COL13A1: variants seen among roughly 807,000 people sequenced by gnomAD.
COL13A1 encodes the protein collagen type XIII alpha 1 chain.
Under a neutral mutation model 130.9 loss-of-function variants are expected in COL13A1, and 89 were observed. The ratio of observed to expected loss-of-function variants is 0.68; its 90% CI spans 0.57 to 0.81. The LOEUF is 0.81. Among genes scored for constraint, COL13A1 ranks in the 30% least tolerant of loss-of-function variants. COL13A1 has a pLI of 0.00. For missense variants in COL13A1, 879 were observed against 934.6 expected (o/e 0.94, Z 0.78); for synonymous variants, 402 against 341.6 (o/e 1.18, Z -1.95).
intron 2 of COL13A1, among the ~76,000 whole-genome samples, chr10:69,852,696 G>A (rs950539448): frequency 6.6e-6 from 1 of 152,242 alleles, no homozygotes; most frequent in Non-Finnish European, 1.5e-5. Flanking sequence ...GGTGGGCTGG[G>A]GGCAAGTACA....
chr10:69,824,135 C>T, intron 2 of COL13A1: 1 of 472,318 alleles, frequency 2.1e-6, no homozygotes, highest in Non-Finnish European at 4.4e-6. Flanking sequence ...CCTTGTGCCT[C>T]AGTTGCCTTG....
At chr10:69,915,090 C>T (rs1282173747) in intron 17 of COL13A1, among the ~76,000 whole-genome samples, 3 of 152,258 alleles carry the variant, frequency 2.0e-5, no homozygotes. Flanking sequence ...ACAGACTATC[C>T]AAAGCCCTAG....
rs886595324 is a variant in COL13A1 at position 69,933,094 on chromosome 10, C to A, written c.1728+490C>A. Among the ~76,000 whole-genome samples the A allele has an allele frequency of 2.4e-5, 3 of 123,992 alleles. No individual in the cohort carries two copies. The East Asian group carries it at 7.9e-4, about 33-fold the overall frequency. The allele number at this position is 123,992 out of a possible 152,430, so 81.3% of individuals were successfully genotyped here. Reference sequence around the variant, plus strand: ...GAGGTTACAGTGAGCCAGGATTGTGCCACTGCACTCCAGCCTGGGCAACAG... The same window carrying A: ...GAGGTTACAGTGAGCCAGGATTGTGACACTGCACTCCAGCCTGGGCAACAG... On this transcript the variant is annotated intron_variant, in intron 31 of 40. Coordinates refer to ENST00000645393, the MANE Select transcript of COL13A1 (RefSeq NM_001368882.1).
At chr10:69,931,081 A>G (rs2066054560) in intron 30 of COL13A1, 1 of 438,196 alleles carries the variant, frequency 2.3e-6, no homozygotes, top group Admixed American at 2.4e-5. Flanking sequence ...AGGGAGCCAC[A>G]TCCTGTGCAG....
At chr10:69,893,820 C>A (rs2061406733) in intron 10 of COL13A1, among the ~76,000 whole-genome samples, 1 of 152,198 alleles carries the variant, frequency 6.6e-6, no homozygotes, top group African/African-American at 2.4e-5. Context: ...CAGACACATA[C>A]CTGAAGAGCC....
chr10:69,944,096 C>G, intron 35 of COL13A1, 29 bp from the exon 36 acceptor site: 11 of 1,607,254 alleles, frequency 6.8e-6, no homozygotes, highest in Non-Finnish European at 9.4e-6. Flanking sequence ...TGTGGGGACC[C>G]TCACCTCTGC....
At position 69,917,195 on chromosome 10, in the gene COL13A1, CAGCCTCCAGACA is replaced by C. The variant is rs915140703; in HGVS notation, c.922-91_922-80del. 2.0e-5 allele frequency: 30 copies of C among 1,510,910 alleles called. No homozygotes were observed. The African/African-American group carries it at 3.3e-4, about 17-fold the overall frequency. 93.6% of individuals were successfully genotyped at this position (1,510,910 alleles called of 1,614,324 possible). A position where few individuals can be genotyped will look rare whatever the true frequency, so the allele number is the denominator to read the frequency against. On this transcript the variant is annotated intron_variant, in intron 17 of 40. Coordinates refer to ENST00000645393, the MANE Select transcript of COL13A1 (RefSeq NM_001368882.1). ...CTCAACATGAACCGGACAGCCATCC[CAGCCTCCAGACA>C]AGACATTCTCACCGACATCCTTGCA...
intron 17 of COL13A1, among the ~76,000 whole-genome samples, chr10:69,916,709 A>G (rs111680363): frequency 5.3e-5 from 8 of 152,310 alleles, no homozygotes; most frequent in African/African-American, 1.9e-4. Context: ...CTGGACAAGT[A>G]GGGTCAGAAA....
intron 17 of COL13A1, among the ~76,000 whole-genome samples, chr10:69,913,037 G>C (rs749747715): frequency 6.6e-6 from 1 of 152,218 alleles, no homozygotes; most frequent in African/African-American, 2.4e-5. Flanking sequence ...TCAGGGATGG[G>C]ACAGGCCTTC....
chr10:69,907,658 A>G (rs555732917), intron 17 of COL13A1, among the ~76,000 whole-genome samples: 1 of 152,156 alleles, frequency 6.6e-6, no homozygotes, highest in Admixed American at 6.5e-5. Context: ...TCTCATGATG[A>G]CTAACCCACC....
At chr10:69,812,292 C>T (rs2683550) in intron 1 of COL13A1, among the ~76,000 whole-genome samples, 1 of 151,106 alleles carries the variant, frequency 6.6e-6, no homozygotes, top group Non-Finnish European at 1.5e-5. Context: ...CTCTGGAACC[C>T]GATTGCTGGG....
chr10:69,829,064 C>T (rs1009018442), intron 2 of COL13A1, among the ~76,000 whole-genome samples: 1 of 152,144 alleles, frequency 6.6e-6, no homozygotes, highest in Non-Finnish European at 1.5e-5. Context: ...AAAGCCAGCA[C>T]CTTCCCCCCA....
chr10:69,848,160 C>T (rs1049057541), intron 2 of COL13A1, among the ~76,000 whole-genome samples: 2 of 152,150 alleles, frequency 1.3e-5, no homozygotes, highest in Admixed American at 6.5e-5. Context: ...GGGGTCAGGA[C>T]AATTGCAGAG....
At position 69,910,234 on chromosome 10, in the gene COL13A1, C is replaced by CT. The variant is rs576256901; in HGVS notation, c.921+4414dup. 7.1e-3 allele frequency among the ~76,000 whole-genome samples: 1,082 copies of CT among 152,126 alleles called. 14 individuals are homozygous for CT. The highest frequency in any genetic ancestry group is 0.024 in the African/African-American group (1,012 of 41,496). ...GAGGAGGCACTAACACGAAGGGTGG[C>CT]TTGGTCTCAGGGGCTGGGAAGATGA... On this transcript the variant is annotated intron_variant, in intron 17 of 40. Transcript: ENST00000645393.
At chr10:69,846,324 C>G (rs932501045) in intron 2 of COL13A1, among the ~76,000 whole-genome samples, 1 of 152,064 alleles carries the variant, frequency 6.6e-6, no homozygotes, top group African/African-American at 2.4e-5. Context: ...GGAAGGGCCT[C>G]TGCCTCCAGG....
intron 40 of COL13A1, 50 bp downstream of exon 40, chr10:69,957,092 TA>T: frequency 6.7e-7 from 1 of 1,491,544 alleles, no homozygotes; most frequent in Non-Finnish European, 9.4e-7. Context: ...AGCAGTGCCA[TA>T]AAGCTTCCAC....
chr10:69,820,952 C>T (rs532229877), intron 1 of COL13A1, among the ~76,000 whole-genome samples: 2 of 152,226 alleles, frequency 1.3e-5, no homozygotes, highest in African/African-American at 4.8e-5. Context: ...ACCCCCAAAC[C>T]AGAGGCGATA....
rs1177648383 is a variant in COL13A1, at chr10:69,894,011, C to T, written c.604-541C>T. 2.6e-5 allele frequency among the ~76,000 whole-genome samples: 4 copies of T among 152,256 alleles called. No individual in the cohort carries two copies. In the East Asian group the frequency reaches 7.7e-4, roughly 29 times the overall value. ...GACAAGACAACCTTGAAGGAAACTT[C>T]AAGACCCCTCATATTCCTTGGAGAA... On this transcript the variant is annotated intron_variant, in intron 10 of 40. Transcript: ENST00000645393.
chr10:69,947,639 G>A (rs2068755070), intron 38 of COL13A1, among the ~76,000 whole-genome samples: 1 of 151,970 alleles, frequency 6.6e-6, no homozygotes, highest in Admixed American at 6.6e-5. Context: ...TTTCTAGGTT[G>A]CCCTGATTGT....
Sources: gnomAD v4.1 joint callset for allele counts (sites outside exome capture counted in the v4.1 genomes callset) on GRCh38, gnomAD v4.1.1 for gene constraint, MANE v1.5 for transcripts, NCBI Gene and HGNC (gene_info 2026-07-23, HGNC 2026-07-21) for gene names.